Variants in MGAT4C observed in about 807,000 individuals in gnomAD.
MGAT4C encodes the protein alpha-1,3-mannosyl-glycoprotein 4-beta-N-acetylglucosaminyltransferase C.
A neutral mutation model predicts 40.1 loss-of-function variants in MGAT4C; 19 were observed. The observed-to-expected ratio is 0.47, with a 90% CI of 0.33 to 0.70. The LOEUF (loss-of-function observed/expected upper bound fraction) is 0.70. Ranked by LOEUF, MGAT4C falls within the 30% of genes least tolerant of loss-of-function variation. The pLI is 0.02. For missense variants in MGAT4C, 491 were observed against 563.2 expected (o/e 0.87, Z 1.30); for synonymous variants, 181 against 187.1 (o/e 0.97, Z 0.27).
intron 2 of MGAT4C, among the ~76,000 whole-genome samples, chr12:86,030,339 C>G (rs1890629878): frequency 6.6e-6 from 1 of 151,674 alleles, no homozygotes; most frequent in Non-Finnish European, 1.5e-5. Flanking sequence ...GAAAAGACGA[C>G]AGTATATGCC....
chr12:85,998,533 C>A (rs983793515), intron 2 of MGAT4C, among the ~76,000 whole-genome samples: 1 of 152,180 alleles, frequency 6.6e-6, no homozygotes, highest in Non-Finnish European at 1.5e-5. Flanking sequence ...CACAAGTCAC[C>A]TCTTGAATGC....
intron 2 of MGAT4C, among the ~76,000 whole-genome samples, chr12:86,512,616 T>A (rs1592938516): frequency 6.6e-6 from 1 of 152,226 alleles, no homozygotes; most frequent in South Asian, 2.1e-4. Flanking sequence ...ACAAGAAAAT[T>A]CTGCAATATG....
chr12:86,305,224 G>C (rs1251524214), intron 4 of MGAT4C, among the ~76,000 whole-genome samples: 1 of 150,228 alleles, frequency 6.7e-6, no homozygotes, highest in Non-Finnish European at 1.5e-5. Flanking sequence ...CGGATCACCT[G>C]AGGTTGGGAG....
intron 1 of MGAT4C, among the ~76,000 whole-genome samples, chr12:86,117,305 ATG>A (rs1199225613): frequency 2.6e-5 from 4 of 152,304 alleles, no homozygotes; most frequent in African/African-American, 9.6e-5. Flanking sequence ...AGGAAAATAT[ATG>A]TGAGAGTGTA....
At chr12:86,487,951 G>A (rs371316306) in intron 2 of MGAT4C, among the ~76,000 whole-genome samples, 6 of 152,138 alleles carry the variant, frequency 3.9e-5, no homozygotes, top group Admixed American at 2.0e-4. Context: ...TTATTTGTAA[G>A]CTAATGAAAT....
chr12:86,463,212 A>G (rs1957628226), intron 2 of MGAT4C, among the ~76,000 whole-genome samples: 1 of 152,294 alleles, frequency 6.6e-6, no homozygotes, highest in Non-Finnish European at 1.5e-5. Context: ...ATCAAATAAC[A>G]GAAGAGTTAA....
chr12:86,715,422 G>C (rs914679429), intron 2 of MGAT4C, among the ~76,000 whole-genome samples: 1 of 152,080 alleles, frequency 6.6e-6, no homozygotes, highest in Non-Finnish European at 1.5e-5. Context: ...TCTGTTTCTT[G>C]ATCTGGGTGC....
intron 2 of MGAT4C, among the ~76,000 whole-genome samples, chr12:86,697,912 C>T (rs1452484514): frequency 6.6e-6 from 1 of 152,040 alleles, no homozygotes; most frequent in Admixed American, 6.6e-5. Flanking sequence ...TATAATGTAT[C>T]TTGTATATCA....
chr12:86,110,875 G>A (rs144129899), intron 1 of MGAT4C, among the ~76,000 whole-genome samples: 242 of 151,702 alleles, frequency 1.6e-3, no homozygotes, highest in Non-Finnish European at 2.8e-3. Flanking sequence ...CTATTATGCC[G>A]TTATATGTAC....
intron 2 of MGAT4C, among the ~76,000 whole-genome samples, chr12:86,672,905 GA>G (rs886448152): frequency 6.6e-6 from 1 of 150,982 alleles, no homozygotes; most frequent in Non-Finnish European, 1.5e-5. Flanking sequence ...TCTAAAAGTT[GA>G]AAAAAATATA....
intron 1 of MGAT4C, among the ~76,000 whole-genome samples, chr12:86,816,129 T>C (rs1393085779): frequency 6.6e-6 from 1 of 151,974 alleles, no homozygotes; most frequent in Non-Finnish European, 1.5e-5. Flanking sequence ...TTAAAGGGCC[T>C]GCTTTTAAGA....
intron 1 of MGAT4C, among the ~76,000 whole-genome samples, chr12:86,073,822 A>G (rs1869095849): frequency 6.6e-6 from 1 of 152,200 alleles, no homozygotes; most frequent in Non-Finnish European, 1.5e-5. Context: ...GTCTCAGATA[A>G]GACTACGGAC....
chr12:86,227,580 A>G (rs1951141897), intron 1 of MGAT4C, among the ~76,000 whole-genome samples: 1 of 151,996 alleles, frequency 6.6e-6, no homozygotes, highest in Non-Finnish European at 1.5e-5. Context: ...ACATTTTCAT[A>G]TTTAGGTTCT....
At chr12:86,604,626 T>C (rs1961979759) in intron 2 of MGAT4C, among the ~76,000 whole-genome samples, 1 of 152,142 alleles carries the variant, frequency 6.6e-6, no homozygotes, top group African/African-American at 2.4e-5. Flanking sequence ...AAGAAAAAAC[T>C]GGAAGTCACT....
chr12:86,692,562 G>A (rs1246624478), intron 2 of MGAT4C, among the ~76,000 whole-genome samples: 1 of 151,974 alleles, frequency 6.6e-6, no homozygotes, highest in African/African-American at 2.4e-5. Flanking sequence ...TCAATTTGAT[G>A]GGAAATTTAA....
intron 2 of MGAT4C, among the ~76,000 whole-genome samples, chr12:86,046,438 A>G (rs1465863374): frequency 6.6e-6 from 1 of 152,204 alleles, no homozygotes; most frequent in Non-Finnish European, 1.5e-5. Flanking sequence ...CAGAGTTTAC[A>G]TGAAGTGAGG....
In MGAT4C at chr12:86,510,972, A is replaced by G. The variant is rs968594520; in HGVS notation, c.-228-75707T>C. ...ACAAGGATACCCAGGAATTGAACTC[A>G]GCTCTGCACCAAGCAGACCTAATAG... On this transcript the variant is annotated intron_variant, in intron 2 of 7. Coordinates refer to the MGAT4C transcript ENST00000548651. 2.0e-5 allele frequency among the ~76,000 whole-genome samples: 3 copies of G among 152,088 alleles called. 1 individual carries two copies. Among genetic ancestry groups the G allele is most frequent in the African/African-American group, 7.2e-5 (3 of 41,416 alleles).
intron 2 of MGAT4C, among the ~76,000 whole-genome samples, chr12:86,457,409 A>T (rs1346217702): frequency 6.6e-6 from 1 of 152,136 alleles, no homozygotes; most frequent in Non-Finnish European, 1.5e-5. Flanking sequence ...ACAATATTTT[A>T]AAAATAATAG....
At chr12:86,394,616 T>TTATATATA (rs71076194) in intron 3 of MGAT4C, among the ~76,000 whole-genome samples, 1,563 of 135,402 alleles carry the variant, frequency 0.012, 18 homozygotes, top group Non-Finnish European at 0.02. Flanking sequence ...TATATATACT[T>TTATATATA]TATATATATA....
Sources: allele counts gnomAD v4.1 joint callset (sites outside exome capture counted in the v4.1 genomes callset), GRCh38; gene constraint gnomAD v4.1.1; transcripts MANE v1.5; gene names NCBI Gene and HGNC (gene_info 2026-07-23, HGNC 2026-07-21).